ERBB4: variants seen among roughly 807,000 people sequenced by gnomAD.
ERBB4 encodes the protein receptor tyrosine-protein kinase erbB-4.
ERBB4 carries 42 observed loss-of-function variants against 158.0 expected under a neutral mutation model. That is an observed-to-expected ratio of 0.27 (90% confidence interval 0.21 to 0.34). The LOEUF is 0.34. Ranked by LOEUF, ERBB4 falls within the 10% of genes least tolerant of loss-of-function variation. The pLI, the probability that ERBB4 is intolerant of heterozygous loss-of-function variation, is 1.00. For missense variants in ERBB4, 1,333 were observed against 1,624.1 expected, an observed-to-expected ratio of 0.82 and a Z score of 3.08; for synonymous variants, 583 against 558.7, an observed-to-expected ratio of 1.04 and a Z score of -0.61.
chr2:212,163,778 C>T (rs1559630879), intron 1 of ERBB4, among the ~76,000 whole-genome samples: 1 of 151,838 alleles, frequency 6.6e-6, no homozygotes, highest in Non-Finnish European at 1.5e-5. Context: ...ACCTTTTGTG[C>T]ATGACATACT....
chr2:212,189,081 TTGG>T (rs756467837), intron 1 of ERBB4, among the ~76,000 whole-genome samples: 186 of 121,114 alleles, frequency 1.5e-3, no homozygotes, highest in African/African-American at 5.4e-3. Flanking sequence ...AACTTTTTTT[TTGG>T]GGGGGGGGGT....
At chr2:211,905,139 G>A (rs2079343088) in intron 3 of ERBB4, among the ~76,000 whole-genome samples, 1 of 152,018 alleles carries the variant, frequency 6.6e-6, no homozygotes, top group Non-Finnish European at 1.5e-5. Context: ...GGGTCTTGCT[G>A]GGCTAAAATT....
rs548787124 is a variant in ERBB4 at position 212,093,894 on chromosome 2, A to G, written c.234+30858T>C. On this transcript the variant is annotated intron_variant, in intron 2 of 27. Coordinates refer to ENST00000342788, the MANE Select transcript of ERBB4 (RefSeq NM_005235.3). Reference sequence around the variant, plus strand: ...AGAAAAAAATAAGTATTTCCAGAGAAATAAATTATGTAAGTTATCACGCTG... The same window carrying G: ...AGAAAAAAATAAGTATTTCCAGAGAGATAAATTATGTAAGTTATCACGCTG... Among the ~76,000 whole-genome samples the G allele has an allele frequency of 3.4e-3, 518 of 152,326 alleles. 1 individual carries two copies. Among genetic ancestry groups the G allele is most frequent in the Non-Finnish European group, 5.7e-3 (389 of 68,022 alleles).
intron 1 of ERBB4, among the ~76,000 whole-genome samples, chr2:212,252,087 T>G (rs977255890): frequency 1.3e-5 from 2 of 151,980 alleles, no homozygotes; most frequent in South Asian, 2.1e-4. Context: ...ATAAGGGCAG[T>G]GATGAGAAAA....
chr2:211,453,706 C>T (rs893634687), intron 20 of ERBB4, among the ~76,000 whole-genome samples: 1 of 152,084 alleles, frequency 6.6e-6, no homozygotes, highest in Admixed American at 6.6e-5. Flanking sequence ...GACAGGCAGA[C>T]GTGGATCCCA....
chr2:212,315,463 T>C (rs1181392801), intron 1 of ERBB4, among the ~76,000 whole-genome samples: 1 of 151,442 alleles, frequency 6.6e-6, no homozygotes, highest in Non-Finnish European at 1.5e-5. Context: ...CTCTTCTAAA[T>C]TTCCTTAAAA....
intron 3 of ERBB4, among the ~76,000 whole-genome samples, chr2:211,874,115 T>C (rs1391978871): frequency 6.6e-6 from 1 of 152,070 alleles, no homozygotes; most frequent in Non-Finnish European, 1.5e-5. Flanking sequence ...CAATGAGCCA[T>C]GATCACATCA....
chr2:212,398,824 T>C (rs763097792), intron 1 of ERBB4, among the ~76,000 whole-genome samples: 4 of 152,164 alleles, frequency 2.6e-5, no homozygotes, highest in Non-Finnish European at 5.9e-5. Flanking sequence ...TATTCAAGAT[T>C]TTTCAAGGCT....
chr2:211,483,127 A>C (rs939574242), intron 20 of ERBB4, among the ~76,000 whole-genome samples: 3 of 152,098 alleles, frequency 2.0e-5, no homozygotes, highest in Non-Finnish European at 4.4e-5. Flanking sequence ...TGCAGAAAAA[A>C]ACGAATGAAC....
intron 1 of ERBB4, among the ~76,000 whole-genome samples, chr2:212,180,950 G>A (rs944987377): frequency 1.3e-5 from 2 of 151,588 alleles, no homozygotes; most frequent in African/African-American, 4.8e-5. Flanking sequence ...TCCTAGTAGT[G>A]CTTTTATTTT....
chr2:212,317,702 G>A (rs1038149330), intron 1 of ERBB4, among the ~76,000 whole-genome samples: 1 of 151,454 alleles, frequency 6.6e-6, no homozygotes, highest in African/African-American at 2.4e-5. Flanking sequence ...TACAGATGAA[G>A]GACTTAAGAT....
rs1351947614 is a variant in ERBB4 at position 211,379,358 on chromosome 2, A to G, written c.*4257T>C. The G allele has an allele frequency of 4.4e-6, 1 of 227,726 alleles. No homozygotes were observed. The highest frequency in any genetic ancestry group is 8.7e-6 in the Non-Finnish European group (1 of 114,710). The allele number at this position is 227,726 out of a possible 1,614,324, so 14.1% of individuals were successfully genotyped here. On this transcript the variant is annotated 3_prime_UTR_variant, in exon 28 of 28. Transcript: ENST00000342788. ...TGCAAGGTGGTGTTTATTTAAAAAA[A>G]TAAATAAATACAATTTTCTTTACAT...
chr2:212,477,638 T>TC (rs1689471792), intron 1 of ERBB4, among the ~76,000 whole-genome samples: 1 of 152,212 alleles, frequency 6.6e-6, no homozygotes, highest in Non-Finnish European at 1.5e-5. Flanking sequence ...CTTGAATATT[T>TC]CCACTTTATT....
At chr2:211,508,963 A>G (rs1481948517) in intron 20 of ERBB4, among the ~76,000 whole-genome samples, 3 of 152,122 alleles carry the variant, frequency 2.0e-5, no homozygotes, top group Non-Finnish European at 4.4e-5. Context: ...AACAAAAAAA[A>G]GAAAATGTGT....
chr2:212,403,988 G>A (rs1489440319), intron 1 of ERBB4, among the ~76,000 whole-genome samples: 3 of 151,954 alleles, frequency 2.0e-5, no homozygotes, highest in Non-Finnish European at 4.4e-5. Flanking sequence ...AAGAAGGCAG[G>A]TAAAGGCATT....
chr2:212,365,974 A>G (rs2089875683), intron 1 of ERBB4, among the ~76,000 whole-genome samples: 1 of 151,904 alleles, frequency 6.6e-6, no homozygotes, highest in Admixed American at 6.6e-5. Context: ...AATATCAAAT[A>G]TCAACAATGA....
At chr2:212,098,993 A>G (rs1408400137) in intron 2 of ERBB4, among the ~76,000 whole-genome samples, 1 of 151,934 alleles carries the variant, frequency 6.6e-6, no homozygotes, top group Non-Finnish European at 1.5e-5. Context: ...TTAAAAGGCT[A>G]CTGCTGGCTG....
intron 20 of ERBB4, among the ~76,000 whole-genome samples, chr2:211,522,117 A>C (rs1574662581): frequency 6.6e-6 from 1 of 152,306 alleles, no homozygotes; most frequent in African/African-American, 2.4e-5. Flanking sequence ...TAACTACCAC[A>C]GATAATGATT....
At chr2:211,867,086 G>A (rs1389409279) in intron 3 of ERBB4, among the ~76,000 whole-genome samples, 1 of 143,070 alleles carries the variant, frequency 7.0e-6, no homozygotes, top group Non-Finnish European at 1.5e-5. Flanking sequence ...AGTGTGATAT[G>A]AGGAATAAAA....
Sources: gnomAD v4.1 joint callset for allele counts (sites outside exome capture counted in the v4.1 genomes callset) on GRCh38, gnomAD v4.1.1 for gene constraint, MANE v1.5 for transcripts, NCBI Gene and HGNC (gene_info 2026-07-23, HGNC 2026-07-21) for gene names.